SND1: variants seen among roughly 807,000 people sequenced by gnomAD.
SND1 encodes staphylococcal nuclease and tudor domain containing 1, also known as staphylococcal nuclease domain-containing protein 1.
In SND1, 38 loss-of-function variants were observed where a neutral mutation model predicts 121.7. The observed-to-expected ratio is 0.31, with a 90% CI of 0.24 to 0.41. The LOEUF is 0.41. Ranked by LOEUF, SND1 falls within the 10% of genes least tolerant of loss-of-function variation. The probability of loss-of-function intolerance (pLI) is 1.00; values close to 1 mark genes in which losing one functional copy is unlikely to be tolerated. For missense variants in SND1, 868 were observed against 1,184.6 expected (o/e 0.73, Z 3.92); for synonymous variants, 401 against 447.4 (o/e 0.90, Z 1.31).
At chr7:127,908,772 T>TA (rs1584658580) in intron 14 of SND1, among the ~76,000 whole-genome samples, 1 of 152,222 alleles carries the variant, frequency 6.6e-6, no homozygotes, top group East Asian at 1.9e-4. Context: ...TCAGTGTTCT[T>TA]TATCTCAGGT....
intron 21 of SND1, 148 bp from the exon 22 acceptor site, chr7:128,089,341 A>G: frequency 1.4e-6 from 1 of 699,810 alleles, no homozygotes; most frequent in South Asian, 2.0e-5. Context: ...GGCATGAGCC[A>G]CCGTGCCTGG....
At chr7:127,750,129 A>C (rs980222381) in intron 10 of SND1, among the ~76,000 whole-genome samples, 3 of 152,194 alleles carry the variant, frequency 2.0e-5, no homozygotes, top group Non-Finnish European at 2.9e-5. Flanking sequence ...CAAAAAAACG[A>C]GTAAGTGAAG....
intron 11 of SND1, among the ~76,000 whole-genome samples, chr7:127,815,365 C>T (rs936997158): frequency 4.6e-5 from 7 of 152,118 alleles, no homozygotes; most frequent in African/African-American, 1.4e-4. Flanking sequence ...TGGACTGCAC[C>T]TGTAGTCCCA....
At chr7:127,793,829 G>A (rs1167701513) in intron 10 of SND1, among the ~76,000 whole-genome samples, 5 of 152,064 alleles carry the variant, frequency 3.3e-5, no homozygotes, top group African/African-American at 1.2e-4. Context: ...TGACTGTCCT[G>A]TGCACTGTGA....
intron 15 of SND1, among the ~76,000 whole-genome samples, chr7:127,934,418 T>C (rs1301332647): frequency 6.6e-6 from 1 of 152,160 alleles, no homozygotes; most frequent in Non-Finnish European, 1.5e-5. Context: ...GGGGGCAGCA[T>C]GCTCAGACTC....
In SND1 at chr7:127,862,675, A is replaced by G. The variant is rs542580701; in HGVS notation, c.1343+18251A>G. Among the ~76,000 whole-genome samples the G allele has an allele frequency of 3.3e-5, 5 of 152,342 alleles. No individual in the cohort carries two copies. The South Asian group carries it at 8.3e-4, about 25-fold the overall frequency. ...AATGATGAAAACTTTGATTTCATGC[A>G]TATCAGATAACGCTGGGCAGTTGCT... On this transcript the variant is annotated intron_variant, in intron 12 of 23. Coordinates refer to ENST00000354725, the MANE Select transcript of SND1 (RefSeq NM_014390.4).
intron 1 of SND1, among the ~76,000 whole-genome samples, chr7:127,656,467 C>T (rs1376343218): frequency 2.0e-5 from 3 of 151,870 alleles, no homozygotes; most frequent in Non-Finnish European, 4.4e-5. Context: ...GGATTACAGG[C>T]GCGTGTCAGC....
intron 16 of SND1, chr7:127,998,583 G>A (rs1017045315): frequency 1.3e-5 from 2 of 153,480 alleles, no homozygotes; most frequent in East Asian, 1.9e-4. Context: ...GAGACGGGCT[G>A]TTCCTGAATA....
chr7:127,672,469 G>A (rs948523946), intron 1 of SND1, among the ~76,000 whole-genome samples: 1 of 151,974 alleles, frequency 6.6e-6, no homozygotes, highest in Non-Finnish European at 1.5e-5. Context: ...AATTAGCTGA[G>A]CATGGTGGCA....
intron 1 of SND1, among the ~76,000 whole-genome samples, chr7:127,680,605 C>T (rs562099835): frequency 9.5e-4 from 145 of 151,982 alleles, no homozygotes; most frequent in Non-Finnish European, 1.5e-3. Context: ...GGCTCACCGG[C>T]GGTCAGAGTT....
At chr7:127,847,706 T>G (rs531829774) in intron 12 of SND1, among the ~76,000 whole-genome samples, 2 of 152,384 alleles carry the variant, frequency 1.3e-5, no homozygotes, top group South Asian at 4.1e-4. Flanking sequence ...TTATTAAATT[T>G]TTTAAAGCAT....
rs547643916 is a variant in SND1, at chr7:127,984,505, C to T, written c.1670-6442C>T. 9.2e-5 allele frequency among the ~76,000 whole-genome samples: 14 copies of T among 152,300 alleles called. No individual in the cohort carries two copies. The South Asian group carries it at 2.3e-3, about 25-fold the overall frequency. On this transcript the variant is annotated intron_variant, in intron 15 of 23. Transcript: ENST00000354725. ...CAGACTAAACCTCATCTCAGCTCTG[C>T]GCCCTGACAGTTCATCAACCATCTC...
At chr7:127,710,280 C>T (rs1056776712) in intron 9 of SND1, among the ~76,000 whole-genome samples, 12 of 152,112 alleles carry the variant, frequency 7.9e-5, no homozygotes, top group Middle Eastern at 3.4e-3. Context: ...ATAGAAACTG[C>T]GTGGCCTGCA....
intron 10 of SND1, among the ~76,000 whole-genome samples, chr7:127,766,647 C>T (rs1055887895): frequency 2.2e-4 from 33 of 151,536 alleles, no homozygotes; most frequent in African/African-American, 7.7e-4. Context: ...TGGTGGCGGG[C>T]ACCTGTAGTC....
intron 11 of SND1, among the ~76,000 whole-genome samples, chr7:127,830,473 A>G (rs1798717924): frequency 6.6e-6 from 1 of 152,184 alleles, no homozygotes; most frequent in South Asian, 2.1e-4. Context: ...TACAGTGCCA[A>G]GTATGTTCCT....
At position 127,975,213 on chromosome 7, in the gene SND1, C is replaced by T. The variant is rs143251797; in HGVS notation, c.1670-15734C>T. ...CAAATTTCCCTACAAGGACGTGCAG[C>T]GCATCGTTTTTCCATTAATTTAGGT... On this transcript the variant is annotated intron_variant, in intron 15 of 23. Coordinates refer to ENST00000354725, the MANE Select transcript of SND1 (RefSeq NM_014390.4). Among the ~76,000 whole-genome samples, 24 of 152,298 alleles carry T rather than the reference C, an allele frequency of 1.6e-4. No individual in the cohort carries two copies. In the East Asian group the frequency reaches 4.6e-3, roughly 29 times the overall value.
chr7:127,688,981 A>G (rs947771988), intron 2 of SND1, among the ~76,000 whole-genome samples: 1 of 152,252 alleles, frequency 6.6e-6, no homozygotes, highest in Admixed American at 6.5e-5. Flanking sequence ...TAATAGAGAT[A>G]GAGAAAAACT....
chr7:127,821,028 T>C (rs933204529), intron 11 of SND1, among the ~76,000 whole-genome samples: 3 of 152,216 alleles, frequency 2.0e-5, no homozygotes, highest in Non-Finnish European at 2.9e-5. Flanking sequence ...TCCAGTTTAT[T>C]GTTGGCCTTG....
At chr7:127,664,899 T>A (rs1795385896) in intron 1 of SND1, among the ~76,000 whole-genome samples, 2 of 152,240 alleles carry the variant, frequency 1.3e-5, no homozygotes, top group South Asian at 4.1e-4. Context: ...GAAATGTTTG[T>A]GTGACTGTAG....
Sources: gnomAD v4.1 joint callset for allele counts (sites outside exome capture counted in the v4.1 genomes callset) on GRCh38, gnomAD v4.1.1 for gene constraint, MANE v1.5 for transcripts, NCBI Gene and HGNC (gene_info 2026-07-23, HGNC 2026-07-21) for gene names.